Variants in PARD3B observed in about 807,000 individuals in gnomAD.
PARD3B encodes par-3 family cell polarity regulator beta.
A neutral mutation model predicts 130.2 loss-of-function variants in PARD3B; 103 were observed. The observed-to-expected ratio is 0.79, with a 90% CI of 0.67 to 0.93. The LOEUF (loss-of-function observed/expected upper bound fraction) is 0.93, where lower values mean the gene tolerates loss of function less well. Among genes scored for constraint, PARD3B ranks in the 40% least tolerant of loss-of-function variants. The pLI, the probability that PARD3B is intolerant of heterozygous loss-of-function variation, is 0.00. For missense variants in PARD3B, 1,609 were observed against 1,499.2 expected, an observed-to-expected ratio of 1.07 and a Z score of -1.21; for synonymous variants, 583 against 553.2, an observed-to-expected ratio of 1.05 and a Z score of -0.76.
intron 21 of PARD3B, among the ~76,000 whole-genome samples, chr2:205,549,307 GA>G (rs1329481985): frequency 6.6e-6 from 1 of 152,160 alleles, no homozygotes; most frequent in Non-Finnish European, 1.5e-5. Flanking sequence ...CAAAGGAGTT[GA>G]AAACTGACAT....
intron 18 of PARD3B, among the ~76,000 whole-genome samples, chr2:205,359,089 G>A (rs1428949871): frequency 6.6e-6 from 1 of 152,124 alleles, no homozygotes; most frequent in Non-Finnish European, 1.5e-5. Context: ...TAATGTTTGG[G>A]AATTATGCTG....
At chr2:205,063,182 T>C (rs1700159181) in intron 4 of PARD3B, among the ~76,000 whole-genome samples, 1 of 152,060 alleles carries the variant, frequency 6.6e-6, no homozygotes, top group African/African-American at 2.4e-5. Context: ...ACATTTATCT[T>C]TGTGTTGGGG....
intron 16 of PARD3B, among the ~76,000 whole-genome samples, chr2:205,277,756 G>A (rs1349613336): frequency 1.3e-5 from 2 of 152,166 alleles, no homozygotes; most frequent in Non-Finnish European, 2.9e-5. Context: ...AGTAAGATGA[G>A]TGAGAGAGGC....
At chr2:204,594,042 G>A (rs746718494) in intron 1 of PARD3B, among the ~76,000 whole-genome samples, 2 of 152,154 alleles carry the variant, frequency 1.3e-5, no homozygotes, top group African/African-American at 2.4e-5. Flanking sequence ...ATCAACACTC[G>A]GTCCCTGAAA....
At chr2:204,601,664 G>GA (rs1319309223) in intron 1 of PARD3B, among the ~76,000 whole-genome samples, 1 of 151,974 alleles carries the variant, frequency 6.6e-6, no homozygotes, top group African/African-American at 2.4e-5. Flanking sequence ...GTGAACTGCT[G>GA]AATTTAGGCG....
chr2:204,833,722 C>G (rs58827262), intron 2 of PARD3B, among the ~76,000 whole-genome samples: 4,580 of 152,204 alleles, frequency 0.03, 240 homozygotes, highest in African/African-American at 0.1. Context: ...ATTGTGGGGC[C>G]TCCCCAGCCA....
At chr2:205,282,173 A>T (rs1419144801) in intron 16 of PARD3B, among the ~76,000 whole-genome samples, 3 of 152,208 alleles carry the variant, frequency 2.0e-5, no homozygotes, top group Non-Finnish European at 4.4e-5. Context: ...AAAAACATCA[A>T]CAGAAGAGAG....
At chr2:205,092,662 G>A (rs916536426) in intron 4 of PARD3B, among the ~76,000 whole-genome samples, 4 of 152,060 alleles carry the variant, frequency 2.6e-5, no homozygotes, top group Non-Finnish European at 4.4e-5. Context: ...GAGGAATATC[G>A]AGCAAGAGGT....
intron 18 of PARD3B, among the ~76,000 whole-genome samples, chr2:205,378,179 A>T (rs1371498747): frequency 6.6e-6 from 1 of 152,160 alleles, no homozygotes; most frequent in Non-Finnish European, 1.5e-5. Flanking sequence ...TTGCAGGGGG[A>T]CCAAGGGTCC....
At position 205,029,519 on chromosome 2, in the gene PARD3B, A is replaced by G. The variant is rs571207389; in HGVS notation, c.395-18062A>G. On this transcript the variant is annotated intron_variant, in intron 3 of 22. Transcript: ENST00000406610. Reference sequence around the variant, plus strand: ...TAGTAGGGGAAAGATGGATATATAGATGAATGGATTACGAATACCCACTAA... The same window carrying G: ...TAGTAGGGGAAAGATGGATATATAGGTGAATGGATTACGAATACCCACTAA... 2.0e-5 allele frequency among the ~76,000 whole-genome samples: 3 copies of G among 152,302 alleles called. No homozygotes were observed. In the East Asian group the frequency reaches 5.8e-4, roughly 29 times the overall value.
At chr2:204,797,439 G>T (rs986493626) in intron 2 of PARD3B, among the ~76,000 whole-genome samples, 9 of 152,040 alleles carry the variant, frequency 5.9e-5, no homozygotes, top group Admixed American at 5.9e-4. Flanking sequence ...AAAACATTTT[G>T]TATCATGAGG....
chr2:204,647,581 G>A (rs1272441600), intron 1 of PARD3B, among the ~76,000 whole-genome samples: 2 of 151,742 alleles, frequency 1.3e-5, no homozygotes, highest in Non-Finnish European at 3.0e-5. Context: ...TGTCTCTAAA[G>A]TACCCTGGAG....
chr2:205,410,611 GA>G (rs1459714341), intron 19 of PARD3B, among the ~76,000 whole-genome samples: 1 of 152,086 alleles, frequency 6.6e-6, no homozygotes, highest in Non-Finnish European at 1.5e-5. Flanking sequence ...AGTGAACCCA[GA>G]ATATTTTCTG....
At chr2:205,298,519 T>C (rs1326108617) in intron 16 of PARD3B, among the ~76,000 whole-genome samples, 2 of 151,996 alleles carry the variant, frequency 1.3e-5, no homozygotes, top group African/African-American at 4.8e-5. Flanking sequence ...CTTAGTCTTA[T>C]CTCTGTTGCA....
intron 2 of PARD3B, among the ~76,000 whole-genome samples, chr2:204,691,599 G>A (rs1483532295): frequency 6.6e-6 from 1 of 151,984 alleles, no homozygotes; most frequent in Admixed American, 6.6e-5. Context: ...TACAGGGTTG[G>A]TGTAGGAAAA....
chr2:205,110,634 G>GTTTTTT (rs67202996), intron 5 of PARD3B, among the ~76,000 whole-genome samples: 1 of 104,686 alleles, frequency 9.6e-6, no homozygotes, highest in Non-Finnish European at 2.1e-5. Flanking sequence ...TCTGTTTTTT[G>GTTTTTT]TTTTTTGTTT....
chr2:205,310,416 A>G (rs2042339551), intron 18 of PARD3B, among the ~76,000 whole-genome samples: 1 of 152,088 alleles, frequency 6.6e-6, no homozygotes, highest in Non-Finnish European at 1.5e-5. Flanking sequence ...TGTAGTCACC[A>G]TGGTGAATAA....
chr2:204,810,501 A>T (rs573698101), intron 2 of PARD3B, among the ~76,000 whole-genome samples: 1 of 152,152 alleles, frequency 6.6e-6, no homozygotes, highest in Admixed American at 6.5e-5. Flanking sequence ...CCTTTTCTGC[A>T]TCTATTGTGC....
At chr2:204,574,427 C>A (rs1278925763) in intron 1 of PARD3B, among the ~76,000 whole-genome samples, 1 of 152,132 alleles carries the variant, frequency 6.6e-6, no homozygotes, top group Non-Finnish European at 1.5e-5. Context: ...CTCCTTTGGG[C>A]AATTTGAATG....
Sources: gnomAD v4.1 joint callset for allele counts (sites outside exome capture counted in the v4.1 genomes callset) on GRCh38, gnomAD v4.1.1 for gene constraint, MANE v1.5 for transcripts, NCBI Gene and HGNC (gene_info 2026-07-23, HGNC 2026-07-21) for gene names.